KIF5C: variants seen among roughly 807,000 people sequenced by gnomAD.
KIF5C encodes kinesin family member 5C, also known as kinesin heavy chain isoform 5C.
A neutral mutation model predicts 125.2 loss-of-function variants in KIF5C; 18 were observed. The observed-to-expected ratio is 0.14, with a 90% CI of 0.10 to 0.21. The LOEUF is 0.21. Ranked by LOEUF, KIF5C falls within the 10% of genes least tolerant of loss-of-function variation. The probability of loss-of-function intolerance (pLI) is 1.00; values close to 1 mark genes in which losing one functional copy is unlikely to be tolerated. For synonymous variants in KIF5C, 405 were observed against 434.0 expected (o/e 0.93, Z 0.83); for missense variants, 780 against 1,183.8 (o/e 0.66, Z 5.01).
intron 21 of KIF5C, 108 bp from the exon 22 acceptor site, chr2:149,005,285 C>G: frequency 6.6e-7 from 1 of 1,514,950 alleles, no homozygotes; most frequent in Non-Finnish European, 8.9e-7. Context: ...GGTGCACCAG[C>G]GGCGTCCATG....
At chr2:148,879,050 T>C (rs1030431436) in intron 1 of KIF5C, 1 of 152,210 alleles carries the variant, frequency 6.6e-6, no homozygotes. Context: ...TCTCCATCAC[T>C]CCTGCAGTTT....
chr2:148,892,826 C>T (rs1367796865), intron 1 of KIF5C, among the ~76,000 whole-genome samples: 4 of 152,138 alleles, frequency 2.6e-5, no homozygotes, highest in Non-Finnish European at 4.4e-5. Context: ...TTTCTAAGTC[C>T]ATCTGCTCAT....
chr2:148,925,414 A>G (rs1243236577), intron 2 of KIF5C, among the ~76,000 whole-genome samples: 1 of 152,242 alleles, frequency 6.6e-6, no homozygotes, highest in Non-Finnish European at 1.5e-5. Flanking sequence ...GAAGAAAAAA[A>G]ATATTTTTAG....
intron 1 of KIF5C, chr2:148,878,805 C>T (rs1038464874): frequency 6.6e-6 from 1 of 152,130 alleles, no homozygotes; most frequent in Non-Finnish European, 1.5e-5. Flanking sequence ...ACCAAAGAAG[C>T]CCAGATCATC....
At chr2:148,934,210 CT>C (rs1208570950) in intron 3 of KIF5C, among the ~76,000 whole-genome samples, 2 of 150,892 alleles carry the variant, frequency 1.3e-5, no homozygotes, top group Admixed American at 6.6e-5. Flanking sequence ...CATACCACCC[CT>C]CCACATACAT....
chr2:148,905,533 A>T (rs1376676134), intron 1 of KIF5C, among the ~76,000 whole-genome samples: 2 of 151,910 alleles, frequency 1.3e-5, no homozygotes, highest in African/African-American at 4.8e-5. Context: ...GAGAGGAAGG[A>T]TGCTGGGAGT....
chr2:148,899,591 C>T (rs1450404821), intron 1 of KIF5C, among the ~76,000 whole-genome samples: 1 of 150,864 alleles, frequency 6.6e-6, no homozygotes, highest in East Asian at 2.0e-4. Flanking sequence ...TAATCCCAGC[C>T]TCTTGGGAGG....
chr2:148,979,955 G>A (rs565626847), intron 13 of KIF5C, among the ~76,000 whole-genome samples: 1 of 152,280 alleles, frequency 6.6e-6, no homozygotes, highest in African/African-American at 2.4e-5. Flanking sequence ...CCCTTGCTGA[G>A]GACCGTTTAA....
chr2:148,989,927 A>G (rs1278991258), intron 15 of KIF5C, among the ~76,000 whole-genome samples: 2 of 152,186 alleles, frequency 1.3e-5, no homozygotes, highest in Non-Finnish European at 1.5e-5. Flanking sequence ...TAGTGATATG[A>G]TGAGTGAATG....
chr2:148,951,039 T>C (rs920832288), intron 10 of KIF5C, among the ~76,000 whole-genome samples: 1 of 152,198 alleles, frequency 6.6e-6, no homozygotes, highest in Non-Finnish European at 1.5e-5. Flanking sequence ...CAGATGTGAA[T>C]TGGAAATGCA....
At chr2:148,875,950 G>T (rs1360155104) in intron 1 of KIF5C, among the ~76,000 whole-genome samples, 1 of 151,782 alleles carries the variant, frequency 6.6e-6, no homozygotes, top group Non-Finnish European at 1.5e-5. Flanking sequence ...GCGGCGGGCC[G>T]GGCGGGGGTG....
chr2:148,880,658 G>A (rs1435141636), intron 1 of KIF5C, among the ~76,000 whole-genome samples: 1 of 152,176 alleles, frequency 6.6e-6, no homozygotes, highest in Non-Finnish European at 1.5e-5. Context: ...AGTTTATTTA[G>A]TCACTTTGTC....
At chr2:149,017,358 C>G (rs1558951087) in intron 25 of KIF5C, among the ~76,000 whole-genome samples, 1 of 152,244 alleles carries the variant, frequency 6.6e-6, no homozygotes, top group East Asian at 1.9e-4. Flanking sequence ...GCCAGATGAT[C>G]AGCTGAGAGA....
chr2:148,895,173 T>C (rs1282414594), intron 1 of KIF5C, among the ~76,000 whole-genome samples: 1 of 152,046 alleles, frequency 6.6e-6, no homozygotes, highest in African/African-American at 2.4e-5. Context: ...AGATGGAGTC[T>C]CTTCCCAGGC....
intron 15 of KIF5C, among the ~76,000 whole-genome samples, chr2:148,990,011 C>G (rs1265778842): frequency 6.6e-6 from 1 of 152,208 alleles, no homozygotes; most frequent in Non-Finnish European, 1.5e-5. Context: ...GAGTCATTGT[C>G]TTTCAACCAG....
intron 25 of KIF5C, among the ~76,000 whole-genome samples, chr2:149,020,707 C>A (rs1024748714): frequency 6.6e-6 from 1 of 152,136 alleles, no homozygotes; most frequent in Non-Finnish European, 1.5e-5. Context: ...CTTATCTGAC[C>A]AGGGGGATAG....
chr2:148,927,999 T>C (rs1682068777), intron 2 of KIF5C, among the ~76,000 whole-genome samples: 1 of 152,168 alleles, frequency 6.6e-6, no homozygotes, highest in African/African-American at 2.4e-5. Context: ...AATTTTTCTT[T>C]TCTTACCTTC....
intron 14 of KIF5C, among the ~76,000 whole-genome samples, chr2:148,983,143 G>C (rs143023502): frequency 2.7e-3 from 416 of 152,102 alleles, no homozygotes; most frequent in African/African-American, 9.6e-3. Context: ...ACTTATTAAT[G>C]TTCTTCTGGG....
chr2:149,014,869 G>T (rs1484854880), intron 25 of KIF5C, among the ~76,000 whole-genome samples: 1 of 152,166 alleles, frequency 6.6e-6, no homozygotes, highest in African/African-American at 2.4e-5. Context: ...CCTAGTTGTT[G>T]CTATGAACTG....
Sources: allele counts gnomAD v4.1 joint callset (sites outside exome capture counted in the v4.1 genomes callset), GRCh38; gene constraint gnomAD v4.1.1; transcripts MANE v1.5; gene names NCBI Gene and HGNC (gene_info 2026-07-23, HGNC 2026-07-21).